The following KLRF1 variants were observed in gnomAD, a reference collection of about 807,000 sequenced individuals.
The protein encoded by KLRF1 is killer cell lectin-like receptor subfamily F member 1.
KLRF1 carries 27 observed loss-of-function variants against 30.7 expected under a neutral mutation model. The ratio of observed to expected loss-of-function variants is 0.88; its 90% CI spans 0.65 to 1.21. The LOEUF is 1.21. Ranked by LOEUF, KLRF1 falls within the 50% of genes most tolerant of loss-of-function variation. The probability of loss-of-function intolerance (pLI) is 0.00; values close to 1 mark genes in which losing one functional copy is unlikely to be tolerated. For missense variants in KLRF1, 246 were observed against 259.3 expected, an observed-to-expected ratio of 0.95 and a Z score of 0.35; for synonymous variants, 92 against 89.3, an observed-to-expected ratio of 1.03 and a Z score of -0.17.
At chr12:9,837,332 A>G (rs1017122136) in intron 3 of KLRF1, among the ~76,000 whole-genome samples, 1 of 151,636 alleles carries the variant, frequency 6.6e-6, no homozygotes, top group Non-Finnish European at 1.5e-5. Context: ...ATAGATACAT[A>G]TATACTTATA....
At chr12:9,823,302 G>A (rs773318611), upstream of KLRF1, among the ~76,000 whole-genome samples, 4 of 148,980 alleles carry the variant, frequency 2.7e-5, no homozygotes, top group Non-Finnish European at 5.9e-5. Flanking sequence ...GGACCACAAC[G>A]CAATAAAAAT....
At chr12:9,844,178 T>A (rs1171754672) in intron 5 of KLRF1, among the ~76,000 whole-genome samples, 1 of 152,100 alleles carries the variant, frequency 6.6e-6, no homozygotes, top group Non-Finnish European at 1.5e-5. Flanking sequence ...AATACTAGAA[T>A]GGGAATGTGG....
chr12:9,811,986 G>A, the KLRF1 span, among the ~76,000 whole-genome samples: 17 of 152,238 alleles, frequency 1.1e-4, no homozygotes, highest in South Asian at 6.2e-4. Flanking sequence ...GAACTATAGC[G>A]TACAAAAATA....
upstream of KLRF1, among the ~76,000 whole-genome samples, chr12:9,826,804 A>G (rs753806023): frequency 6.6e-6 from 1 of 152,198 alleles, no homozygotes; most frequent in Non-Finnish European, 1.5e-5. Flanking sequence ...CTCACTAATA[A>G]TTGGGATCTA....
chr12:9,833,266 G>T, intron 2 of KLRF1, 37 bp from the exon 3 acceptor site: 11 of 1,434,228 alleles, frequency 7.7e-6, no homozygotes, highest in Non-Finnish European at 1.0e-5. Flanking sequence ...CCATAGAGAA[G>T]ATATTTACCT....
the KLRF1 span, chr12:9,817,217 A>G: frequency 3.3e-5 from 6 of 183,002 alleles, no homozygotes; most frequent in Admixed American, 3.9e-4. Context: ...ATTACTTAAC[A>G]GTATCTAAAT....
At chr12:9,828,655 T>G (rs1315755476) in intron 1 of KLRF1, among the ~76,000 whole-genome samples, 1 of 152,142 alleles carries the variant, frequency 6.6e-6, no homozygotes, top group African/African-American at 2.4e-5. Flanking sequence ...CCATGAAAAT[T>G]TTACTTATCT....
At chr12:9,821,153 G>A in the KLRF1 span, among the ~76,000 whole-genome samples, 1 of 152,024 alleles carries the variant, frequency 6.6e-6, no homozygotes, top group Admixed American at 6.5e-5. Flanking sequence ...ACCATAGGGA[G>A]AGGAGACCAT....
chr12:9,815,465 T>C, the KLRF1 span, among the ~76,000 whole-genome samples: 3 of 152,332 alleles, frequency 2.0e-5, no homozygotes, highest in East Asian at 3.9e-4. Context: ...CTTCTGTGGA[T>C]TTTTTGTGTG....
rs1867309845 is a variant in KLRF1 at position 9,827,607 on chromosome 12, A to G, written c.63A>G (p.Gln21=). 6.2e-7 allele frequency: 1 copy of G among 1,603,122 alleles called. No individual in the cohort carries two copies. ...AGTCAAAGAAAAGGAGTTCTGCCCA[A>G]ACATCTCAACTTACATTTAAAGGTA... ...NVQSKKRSSA[Q]TSQLTFKDYS... The change falls in exon 1 of 6, where the codon CAA becomes CAG. Residue 21 remains glutamine (Q), a synonymous_variant. Coordinates refer to ENST00000617889, the MANE Select transcript of KLRF1 (RefSeq NM_016523.3).
chr12:9,817,178 G>A, the KLRF1 span, among the ~76,000 whole-genome samples: 126 of 152,102 alleles, frequency 8.3e-4, 1 homozygote, highest in Non-Finnish European at 1.6e-3. Flanking sequence ...GGTCAATCAT[G>A]GTTAATAACA....
the KLRF1 span, among the ~76,000 whole-genome samples, chr12:9,808,595 G>A: frequency 6.6e-6 from 1 of 152,158 alleles, no homozygotes; most frequent in Non-Finnish European, 1.5e-5. Flanking sequence ...AGGAGTGAAT[G>A]CTAACAGTAG....
intron 3 of KLRF1, among the ~76,000 whole-genome samples, chr12:9,841,279 TAGAG>T (rs1565509983): frequency 6.6e-6 from 1 of 151,554 alleles, no homozygotes; most frequent in Non-Finnish European, 1.5e-5. Context: ...CATGGACACA[TAGAG>T]GGAAAAAACA....
the KLRF1 span, among the ~76,000 whole-genome samples, chr12:9,801,167 GGACAT>G: frequency 6.6e-6 from 1 of 152,008 alleles, no homozygotes; most frequent in Non-Finnish European, 1.5e-5. Flanking sequence ...TCCCTGAAAA[GGACAT>G]GATCTCATTC....
intron 3 of KLRF1, among the ~76,000 whole-genome samples, chr12:9,837,247 G>A (rs1005676802): frequency 2.6e-5 from 4 of 151,760 alleles, no homozygotes; most frequent in Non-Finnish European, 4.4e-5. Flanking sequence ...TTAGCATAAT[G>A]TTTTTAAAGT....
chr12:9,803,788 C>G, the KLRF1 span, among the ~76,000 whole-genome samples: 1 of 151,962 alleles, frequency 6.6e-6, no homozygotes, highest in African/African-American at 2.4e-5. Context: ...CCATTCTGTT[C>G]CCTTGATCTG....
rs1308562763 is a variant in KLRF1 at position 9,843,475 on chromosome 12, A to G, written c.588-943A>G. Among the ~76,000 whole-genome samples, 3 of 152,204 alleles carry G rather than the reference A, an allele frequency of 2.0e-5. No homozygotes were observed. In the East Asian group the frequency reaches 5.8e-4, roughly 29 times the overall value. On this transcript the variant is annotated intron_variant, in intron 5 of 5. Coordinates refer to ENST00000617889, the MANE Select transcript of KLRF1 (RefSeq NM_016523.3). ...TCCCCTTATTTCTATTCATCATTAA[A>G]TATTACATATTTTCTATCTGACTGC...
intron 1 of KLRF1, among the ~76,000 whole-genome samples, chr12:9,832,107 C>T (rs1267588443): frequency 2.0e-5 from 3 of 152,158 alleles, no homozygotes; most frequent in Non-Finnish European, 4.4e-5. Flanking sequence ...TTTGATATGA[C>T]ACGTATCATA....
At chr12:9,837,202 G>A (rs1414103736) in intron 3 of KLRF1, among the ~76,000 whole-genome samples, 3 of 151,946 alleles carry the variant, frequency 2.0e-5, no homozygotes, top group Non-Finnish European at 4.4e-5. Context: ...TCATGGAATA[G>A]AATCACACAA....
Sources: allele counts gnomAD v4.1 joint callset (sites outside exome capture counted in the v4.1 genomes callset), GRCh38; gene constraint gnomAD v4.1.1; transcripts MANE v1.5; gene names NCBI Gene and HGNC (gene_info 2026-07-23, HGNC 2026-07-21).